The following CHMP4B variants were observed in gnomAD, a reference collection of about 807,000 sequenced individuals.
CHMP4B encodes the protein charged multivesicular body protein 4B.
CHMP4B carries 1 observed loss-of-function variant against 25.1 expected under a neutral mutation model. The observed-to-expected ratio is 0.04, with a 90% CI of 0.01 to 0.19. The LOEUF (loss-of-function observed/expected upper bound fraction) is 0.19. Ranked by LOEUF, CHMP4B falls within the 10% of genes least tolerant of loss-of-function variation. The pLI is 1.00. For synonymous variants in CHMP4B, 101 were observed against 115.6 expected (o/e 0.87, Z 0.81); for missense variants, 151 against 289.7 (o/e 0.52, Z 3.48).
chr20:33,849,966 G>T (rs1310746220), intron 2 of CHMP4B, among the ~76,000 whole-genome samples: 2 of 152,134 alleles, frequency 1.3e-5, no homozygotes, highest in African/African-American at 4.8e-5. Context: ...CTGCAGGGAT[G>T]GGGTCTCACT....
At chr20:33,814,618 G>A (rs889278952) in intron 1 of CHMP4B, among the ~76,000 whole-genome samples, 4 of 152,246 alleles carry the variant, frequency 2.6e-5, no homozygotes, top group Non-Finnish European at 4.4e-5. Flanking sequence ...CCTTGACCTG[G>A]AAGTAGTGAG....
intron 1 of CHMP4B, 86 bp from the exon 2 acceptor site, chr20:33,848,381 C>T (rs2122814479): frequency 3.0e-6 from 4 of 1,344,230 alleles, no homozygotes; most frequent in Admixed American, 1.8e-5. Flanking sequence ...GAGGTGCTTC[C>T]AGTAGAGTTG....
intron 1 of CHMP4B, among the ~76,000 whole-genome samples, chr20:33,819,561 C>T (rs537467807): frequency 4.9e-4 from 74 of 152,318 alleles, no homozygotes; most frequent in African/African-American, 1.8e-3. Flanking sequence ...TCTACCTCCT[C>T]CCTCTTCCTT....
intron 1 of CHMP4B, among the ~76,000 whole-genome samples, chr20:33,814,938 T>G (rs1347570229): frequency 6.6e-6 from 1 of 152,232 alleles, no homozygotes; most frequent in East Asian, 1.9e-4. Context: ...GCCACTGTGC[T>G]CAGCCCTTGG....
At chr20:33,830,168 G>A (rs1471524295) in intron 1 of CHMP4B, among the ~76,000 whole-genome samples, 1 of 152,218 alleles carries the variant, frequency 6.6e-6, no homozygotes, top group Non-Finnish European at 1.5e-5. Context: ...GTGGTGAAGA[G>A]GAAGATGAAA....
chr20:33,849,852 T>C (rs1044162980), intron 2 of CHMP4B, among the ~76,000 whole-genome samples: 1 of 152,212 alleles, frequency 6.6e-6, no homozygotes, highest in Non-Finnish European at 1.5e-5. Flanking sequence ...CCTAGCTCAC[T>C]GCACTCTCAA....
chr20:33,843,428 A>G (rs1265341054), intron 1 of CHMP4B, among the ~76,000 whole-genome samples: 2 of 152,302 alleles, frequency 1.3e-5, no homozygotes, highest in Admixed American at 1.3e-4. Context: ...GTGTTTATAA[A>G]TGGTGCTGGG....
intron 2 of CHMP4B, among the ~76,000 whole-genome samples, chr20:33,849,248 G>C (rs1213761569): frequency 6.6e-6 from 1 of 152,196 alleles, no homozygotes; most frequent in African/African-American, 2.4e-5. Context: ...GCTTGTTACA[G>C]TTGTAACTAA....
intron 1 of CHMP4B, among the ~76,000 whole-genome samples, chr20:33,812,566 T>G (rs891436845): frequency 2.6e-5 from 4 of 152,236 alleles, no homozygotes; most frequent in African/African-American, 9.6e-5. Flanking sequence ...TTAAGTGAGA[T>G]GAATGTGAAA....
chr20:33,850,716 G>A (rs1979822609), intron 2 of CHMP4B, among the ~76,000 whole-genome samples: 1 of 152,238 alleles, frequency 6.6e-6, no homozygotes, highest in African/African-American at 2.4e-5. Flanking sequence ...AGTGCCACCT[G>A]TAGGGTGTTG....
intron 1 of CHMP4B, among the ~76,000 whole-genome samples, chr20:33,837,240 A>C (rs922184268): frequency 1.3e-5 from 2 of 152,108 alleles, no homozygotes; most frequent in East Asian, 3.9e-4. Flanking sequence ...GGCTACAGCT[A>C]TTTCGGAGGC....
intron 2 of CHMP4B, among the ~76,000 whole-genome samples, chr20:33,850,389 A>G (rs1014427549): frequency 4.6e-5 from 7 of 152,234 alleles, no homozygotes; most frequent in African/African-American, 1.7e-4. Context: ...AGTGCAGCTC[A>G]TTAAATACTG....
chr20:33,823,791 C>G (rs137928455), intron 1 of CHMP4B, among the ~76,000 whole-genome samples: 4 of 152,194 alleles, frequency 2.6e-5, no homozygotes, highest in African/African-American at 9.7e-5. Context: ...GTGATTCACT[C>G]GGCTTCCCGA....
intron 1 of CHMP4B, among the ~76,000 whole-genome samples, chr20:33,845,495 G>A (rs1309281405): frequency 6.6e-6 from 1 of 152,076 alleles, no homozygotes; most frequent in African/African-American, 2.4e-5. Context: ...GCTAATTTTT[G>A]TATTTTTAGT....
At chr20:33,827,570 G>C (rs1035361501) in intron 1 of CHMP4B, among the ~76,000 whole-genome samples, 2 of 152,192 alleles carry the variant, frequency 1.3e-5, no homozygotes, top group African/African-American at 4.8e-5. Context: ...GTTTTTAGCT[G>C]CTCCCCTGAT....
Position 33,836,600 on chromosome 20 carries a change from C to G in CHMP4B, c.191-11867C>G, listed in dbSNP as rs535100082. On this transcript the variant is annotated intron_variant, in intron 1 of 4. Coordinates refer to ENST00000217402, the MANE Select transcript of CHMP4B (RefSeq NM_176812.5). ...AGCTTTTTCACACATGGGTGCTGATCAGTATTCTGCTGAATACTTGAGGAG... is the reference window on the plus strand; with the variant it reads ...AGCTTTTTCACACATGGGTGCTGATGAGTATTCTGCTGAATACTTGAGGAG... Among the ~76,000 whole-genome samples the G allele has an allele frequency of 1.8e-4, 27 of 152,192 alleles. No individual in the cohort carries two copies. The South Asian group carries it at 5.4e-3, about 30-fold the overall frequency.
chr20:33,845,865 AC>A (rs1011061437), intron 1 of CHMP4B, among the ~76,000 whole-genome samples: 1 of 152,104 alleles, frequency 6.6e-6, no homozygotes, highest in Non-Finnish European at 1.5e-5. Context: ...CTCTCCCAGG[AC>A]CTCTTCCCTC....
In CHMP4B at chr20:33,848,737, C is replaced by T. The variant is rs1172201295; in HGVS notation, c.368+93C>T. The T allele has an allele frequency of 4.5e-6, 6 of 1,334,780 alleles. No individual in the cohort carries two copies. In the Admixed American group the frequency reaches 1.1e-4, roughly 25 times the overall value. The allele number at this position is 1,334,780 out of a possible 1,614,324, so 82.7% of individuals were successfully genotyped here. On this transcript the variant is annotated intron_variant, in intron 2 of 4. Coordinates refer to ENST00000217402, the MANE Select transcript of CHMP4B (RefSeq NM_176812.5). ...GGCCTTGGGCAGACGGATCCCTTGA[C>T]TTACCTATTCGAGCACCTGAGTTTG... is the stretch of plus-strand genomic sequence containing the variant.
chr20:33,836,425 A>T (rs187179718), intron 1 of CHMP4B, among the ~76,000 whole-genome samples: 1 of 151,914 alleles, frequency 6.6e-6, no homozygotes, highest in East Asian at 1.9e-4. Flanking sequence ...CCTACTATTA[A>T]GACAAGGCCC....
Sources: allele counts gnomAD v4.1 joint callset (sites outside exome capture counted in the v4.1 genomes callset), GRCh38; gene constraint gnomAD v4.1.1; transcripts MANE v1.5; gene names NCBI Gene and HGNC (gene_info 2026-07-23, HGNC 2026-07-21).